The following GAN variants were observed in gnomAD, a reference collection of about 807,000 sequenced individuals.
GAN encodes gigaxonin.
GAN carries 48 observed loss-of-function variants against 71.3 expected under a neutral mutation model. That is an observed-to-expected ratio of 0.67 (90% CI 0.53 to 0.86). GAN has a LOEUF of 0.86. Ranked by LOEUF, GAN falls within the 40% of genes least tolerant of loss-of-function variation. The probability of loss-of-function intolerance (pLI) is 0.00; values close to 1 mark genes in which losing one functional copy is unlikely to be tolerated. For missense variants in GAN, 928 were observed against 770.1 expected (o/e 1.21, Z -2.43); for synonymous variants, 386 against 276.8 (o/e 1.39, Z -3.92).
intron 5 of GAN, among the ~76,000 whole-genome samples, chr16:81,359,957 C>G (rs955785257): frequency 1.3e-5 from 2 of 151,900 alleles, no homozygotes; most frequent in African/African-American, 4.8e-5. Flanking sequence ...CCACAGAAAC[C>G]AAAACTTCAG....
rs1904423650 is a variant in GAN at position 81,387,062 on chromosome 16, G to T, written c.*9466G>T. 1 of 152,198 alleles carries T rather than the reference G, an allele frequency of 6.6e-6. No individual in the cohort carries two copies. Among genetic ancestry groups the T allele is most frequent in the Non-Finnish European group, 1.5e-5 (1 of 68,058 alleles). 9.4% of individuals were successfully genotyped at this position (152,198 alleles called of 1,614,324 possible). ...ACGGATCTTTGGCAAGATCACTTAA[G>T]GTGAGCTACTCTAGCAGCATCCTGT... is the stretch of plus-strand genomic sequence containing the variant. On this transcript the variant is annotated 3_prime_UTR_variant, in exon 11 of 11. Coordinates refer to ENST00000648994, the MANE Select transcript of GAN (RefSeq NM_022041.4).
rs1909800373 is a variant in GAN, at chr16:81,337,424, G to C, written c.168-14159G>C. Among the ~76,000 whole-genome samples, 3 of 152,292 alleles carry C rather than the reference G, an allele frequency of 2.0e-5. No homozygotes were observed. The South Asian group carries it at 6.2e-4, about 32-fold the overall frequency. On this transcript the variant is annotated intron_variant, in intron 1 of 10. Transcript: ENST00000648994. ...TTATTGGAGACAAGCTTTTACATCA[G>C]AGGGGAAGAAAAGTCACTTAGACTT...
rs1193541281 is a variant in GAN, at chr16:81,354,680, G to A, written c.558G>A (p.Lys186=). 6.2e-7 allele frequency: 1 copy of A among 1,613,696 alleles called. No homozygotes were observed. Among genetic ancestry groups the A allele is most frequent in the Non-Finnish European group, 8.5e-7 (1 of 1,179,566 alleles). The change falls in exon 3 of 11, where the codon AAG becomes AAA. Residue 186 remains lysine, a synonymous_variant. Transcript: ENST00000648994. ...TTAAAGAAGTGATTTCTCTTGAGAA[G>A]TTAAACGTTGGCAATGAAAGATATG... The part of the protein sequence containing the change: ...QKLKEVISLE[K]LNVGNERYVF...
At chr16:81,373,053 G>T (rs970501177) in intron 9 of GAN, among the ~76,000 whole-genome samples, 1 of 152,206 alleles carries the variant, frequency 6.6e-6, no homozygotes, top group Non-Finnish European at 1.5e-5. Context: ...TTGTTCTGTG[G>T]TCATTAGACT....
chr16:81,325,702 C>T (rs1032206369), intron 1 of GAN, among the ~76,000 whole-genome samples: 4 of 152,238 alleles, frequency 2.6e-5, no homozygotes, highest in African/African-American at 7.2e-5. Context: ...AGGAAATCAA[C>T]TGGATGCTAA....
Position 81,382,049 on chromosome 16 carries a change from C to G in GAN, c.*4453C>G, listed in dbSNP as rs1904308065. On this transcript the variant is annotated 3_prime_UTR_variant, in exon 11 of 11. Transcript: ENST00000648994. ...AATGTTGATCATGTTTAGTATTGGG[C>G]TTTATTGACTGCTTTTTATATGGGT... 2.0e-5 allele frequency: 3 copies of G among 152,156 alleles called. No individual in the cohort carries two copies. Among genetic ancestry groups the G allele is most frequent in the African/African-American group, 7.2e-5 (3 of 41,436 alleles). The allele number at this position is 152,156 out of a possible 1,614,324, so 9.4% of individuals were successfully genotyped here. A position where few individuals can be genotyped will look rare whatever the true frequency, so the allele number is the denominator to read the frequency against.
intron 1 of GAN, among the ~76,000 whole-genome samples, chr16:81,346,383 C>A (rs1910118988): frequency 1.9e-5 from 1 of 52,896 alleles, no homozygotes; most frequent in South Asian, 4.7e-4. Flanking sequence ...TCTTCTAAGG[C>A]CTTAGGACTG....
intron 9 of GAN, among the ~76,000 whole-genome samples, chr16:81,376,723 C>G (rs1011842693): frequency 2.6e-5 from 4 of 151,572 alleles, no homozygotes; most frequent in Non-Finnish European, 5.9e-5. Context: ...CACACACACA[C>G]AGGAATTAGC....
chr16:81,324,875 C>T (rs1007014933), intron 1 of GAN, among the ~76,000 whole-genome samples: 8 of 152,156 alleles, frequency 5.3e-5, no homozygotes, highest in East Asian at 1.9e-4. Context: ...GTGGAACCAG[C>T]GGCCGTTTCA....
At position 81,389,761 on chromosome 16, in the gene GAN, C is replaced by T. The variant is rs1904510817; in HGVS notation, c.*12165C>T. 1 of 152,218 alleles carries T rather than the reference C, an allele frequency of 6.6e-6. No individual in the cohort carries two copies. Among genetic ancestry groups the T allele is most frequent in the South Asian group, 2.1e-4 (1 of 4,832 alleles). 9.4% of individuals were successfully genotyped at this position (152,218 alleles called of 1,614,324 possible). A position where few individuals can be genotyped will look rare whatever the true frequency, so the allele number is the denominator to read the frequency against. On this transcript the variant is annotated 3_prime_UTR_variant, in exon 11 of 11. Transcript: ENST00000648994. ...CTCCCAAATTCAGGGCTGCTCTTTGCAGTGGTCCCTGGCCCAGCAGGTGGC... is the reference window on the plus strand; with the variant it reads ...CTCCCAAATTCAGGGCTGCTCTTTGTAGTGGTCCCTGGCCCAGCAGGTGGC...
At chr16:81,349,635 C>A (rs767250675) in intron 1 of GAN, among the ~76,000 whole-genome samples, 1 of 152,064 alleles carries the variant, frequency 6.6e-6, no homozygotes, top group Non-Finnish European at 1.5e-5. Context: ...CAGAGTGAGA[C>A]CCTGTCTCAA....
At chr16:81,325,542 A>G (rs1597389369) in intron 1 of GAN, among the ~76,000 whole-genome samples, 1 of 152,200 alleles carries the variant, frequency 6.6e-6, no homozygotes, top group Non-Finnish European at 1.5e-5. Context: ...GACTAGTACC[A>G]TACTGAAGCC....
chr16:81,368,012 T>A (rs1910916866), intron 9 of GAN, among the ~76,000 whole-genome samples: 1 of 152,236 alleles, frequency 6.6e-6, no homozygotes, highest in African/African-American at 2.4e-5. Flanking sequence ...GGATGAGCAG[T>A]CCATATTTGA....
intron 1 of GAN, among the ~76,000 whole-genome samples, chr16:81,319,255 G>T (rs1474934180): frequency 6.8e-6 from 1 of 146,540 alleles, no homozygotes. Context: ...TGGCAAAACC[G>T]AATTCATAGT....
chr16:81,335,518 G>T (rs1909725809), intron 1 of GAN, among the ~76,000 whole-genome samples: 1 of 152,024 alleles, frequency 6.6e-6, no homozygotes, highest in African/African-American at 2.4e-5. Flanking sequence ...AGACCAAGGT[G>T]GGCAGATCAA....
intron 1 of GAN, among the ~76,000 whole-genome samples, chr16:81,345,273 A>T (rs1031860657): frequency 2.4e-4 from 37 of 152,224 alleles, no homozygotes; most frequent in African/African-American, 8.7e-4. Context: ...AGGATTGTAA[A>T]TCATTGTACT....
intron 1 of GAN, among the ~76,000 whole-genome samples, chr16:81,350,259 A>T (rs1393414789): frequency 6.6e-6 from 1 of 152,198 alleles, no homozygotes. Flanking sequence ...ATACAAAGAG[A>T]TGTTCAGCAC....
At position 81,381,853 on chromosome 16, in the gene GAN, T is replaced by C. The variant is rs140891464; in HGVS notation, c.*4257T>C. 3.3e-5 allele frequency: 5 copies of C among 152,208 alleles called. No homozygotes were observed. Among genetic ancestry groups the C allele is most frequent in the African/African-American group, 4.8e-5 (2 of 41,452 alleles). The allele number at this position is 152,208 out of a possible 1,614,324, so 9.4% of individuals were successfully genotyped here. A position where few individuals can be genotyped will look rare whatever the true frequency, so the allele number is the denominator to read the frequency against. On this transcript the variant is annotated 3_prime_UTR_variant, in exon 11 of 11. Coordinates refer to ENST00000648994, the MANE Select transcript of GAN (RefSeq NM_022041.4). ...TTCAGTGAGAAACTTTGTACCCATA[T>C]GGGCTGGCCTCCTATACGGAGCTGA...
chr16:81,354,456 C>T lies in GAN; in HGVS notation c.334C>T (p.Leu112=), dbSNP rs1567491415. ...IQDVVQAADL[L]LLTDLKTLCC... The stretch of plus-strand genomic sequence containing the variant: ...AGATGTTGTTCAGGCAGCTGACCTG[C>T]TGCTACTGACGGACCTTAAAACCCT... Residue 112 remains leucine (L), a synonymous_variant, in exon 3 of 11, where the codon CTG becomes TTG. Coordinates refer to ENST00000648994, the MANE Select transcript of GAN (RefSeq NM_022041.4). 5 of 1,613,948 alleles carry T rather than the reference C, an allele frequency of 3.1e-6. No individual in the cohort carries two copies. The highest frequency in any genetic ancestry group is 2.5e-6 in the Non-Finnish European group (3 of 1,179,786).
Sources: allele counts gnomAD v4.1 joint callset (sites outside exome capture counted in the v4.1 genomes callset), GRCh38; gene constraint gnomAD v4.1.1; transcripts MANE v1.5; gene names NCBI Gene and HGNC (gene_info 2026-07-23, HGNC 2026-07-21).